Variants in LRRC52 observed in about 807,000 individuals in gnomAD.
The protein encoded by LRRC52 is leucine-rich repeat-containing protein 52.
A neutral mutation model predicts 14.7 loss-of-function variants in LRRC52; 15 were observed. That is an observed-to-expected ratio of 1.02 (90% CI 0.68 to 1.58). The LOEUF is 1.58. Among genes scored for constraint, LRRC52 ranks in the 40% most tolerant of loss-of-function variants. The pLI is 0.00. For missense variants in LRRC52, 400 were observed against 387.7 expected, an observed-to-expected ratio of 1.03 and a Z score of -0.27; for synonymous variants, 180 against 163.9, an observed-to-expected ratio of 1.10 and a Z score of -0.75.
Position 165,555,661 on chromosome 1 carries a change from G to A in LRRC52, c.623-7844G>A, listed in dbSNP as rs749316061. On this transcript the variant is annotated intron_variant, in intron 1 of 1. Coordinates refer to ENST00000294818, the MANE Select transcript of LRRC52 (RefSeq NM_001005214.4). Reference sequence around the variant, plus strand: ...AAAGAGGACACTGGCTGGGACCAGGGCAATGGTCCAGGTAATTAGAAGAGG... The same window carrying A: ...AAAGAGGACACTGGCTGGGACCAGGACAATGGTCCAGGTAATTAGAAGAGG... Among the ~76,000 whole-genome samples the A allele has an allele frequency of 1.2e-4, 18 of 152,214 alleles. 1 individual carries two copies. The highest frequency in any genetic ancestry group is 2.6e-4 in the Admixed American group (4 of 15,282).
chr1:165,552,349 C>T (rs542054314), intron 1 of LRRC52, among the ~76,000 whole-genome samples: 1 of 152,304 alleles, frequency 6.6e-6, no homozygotes, highest in South Asian at 2.1e-4. Flanking sequence ...CCTCAGTTTG[C>T]TCATCTTTAA....
At chr1:165,561,909 A>G (rs1488790835) in intron 1 of LRRC52, among the ~76,000 whole-genome samples, 2 of 152,196 alleles carry the variant, frequency 1.3e-5, no homozygotes, top group Non-Finnish European at 2.9e-5. Context: ...TCCCCAGCCA[A>G]CTTACTTCTG....
At chr1:165,561,383 T>A (rs905829442) in intron 1 of LRRC52, among the ~76,000 whole-genome samples, 2 of 152,234 alleles carry the variant, frequency 1.3e-5, no homozygotes, top group Admixed American at 6.5e-5. Flanking sequence ...TGAAGATTCA[T>A]GTGTCTCCCA....
At chr1:165,561,635 C>T (rs1411922400) in intron 1 of LRRC52, among the ~76,000 whole-genome samples, 1 of 152,246 alleles carries the variant, frequency 6.6e-6, no homozygotes, top group Non-Finnish European at 1.5e-5. Flanking sequence ...GGGCCACCAT[C>T]CCACACTGTC....
chr1:165,554,207 CGTT>C (rs1447334109), intron 1 of LRRC52, among the ~76,000 whole-genome samples: 1 of 152,076 alleles, frequency 6.6e-6, no homozygotes, highest in Non-Finnish European at 1.5e-5. Context: ...TGCTAGCTGT[CGTT>C]GTTGTTACAA....
At chr1:165,563,002 T>G (rs1661381088) in intron 1 of LRRC52, among the ~76,000 whole-genome samples, 1 of 152,056 alleles carries the variant, frequency 6.6e-6, no homozygotes, top group Non-Finnish European at 1.5e-5. Context: ...ATGCTAGTGA[T>G]GCCAGGTTGG....
intron 1 of LRRC52, among the ~76,000 whole-genome samples, chr1:165,562,107 C>T (rs1399936794): frequency 6.6e-6 from 1 of 152,240 alleles, no homozygotes; most frequent in Non-Finnish European, 1.5e-5. Context: ...GCAAAGCAAG[C>T]TCACACTGGC....
intron 1 of LRRC52, among the ~76,000 whole-genome samples, chr1:165,560,102 G>A (rs144862069): frequency 5.9e-5 from 9 of 152,288 alleles, no homozygotes; most frequent in Admixed American, 4.6e-4. Context: ...CATGGGGAGC[G>A]CACACAAACT....
Position 165,544,777 on chromosome 1 carries a change from G to T in LRRC52, c.481G>T (p.Gly161Cys), listed in dbSNP as rs76618230. ...GAGGTACCTGGACCTCAGAAATACC[G>T]GCTTGCAGACCCTGGACAGTGCTGC... ...SLRYLDLRNT[G>C]LQTLDSAALY... Residue 161 changes from glycine (G) to cysteine (C), a missense_variant, in exon 1 of 2, where the codon GGC becomes TGC. Gly to Cys is a radical substitution (Grantham distance 159). Transcript: ENST00000294818. 3.1e-6 allele frequency: 5 copies of T among 1,613,936 alleles called. No homozygotes were observed. The highest frequency in any genetic ancestry group is 3.3e-4 in the Middle Eastern group (2 of 6,062).
At chr1:165,550,350 G>GT (rs1271490034) in intron 1 of LRRC52, among the ~76,000 whole-genome samples, 1 of 152,090 alleles carries the variant, frequency 6.6e-6, no homozygotes, top group East Asian at 1.9e-4. Flanking sequence ...TCTGCAACAG[G>GT]GTAAATAGTC....
At chr1:165,547,328 G>T (rs1172956536) in intron 1 of LRRC52, among the ~76,000 whole-genome samples, 1 of 152,078 alleles carries the variant, frequency 6.6e-6, no homozygotes, top group Non-Finnish European at 1.5e-5. Context: ...TAAACATATG[G>T]CTACAGCATC....
chr1:165,544,485 CAGA>C lies in LRRC52; in HGVS notation c.191_193del (p.Arg64del), dbSNP rs1441020278. 1.2e-6 allele frequency: 2 copies of C among 1,614,060 alleles called. No homozygotes were observed. Among genetic ancestry groups the C allele is most frequent in the Non-Finnish European group, 1.7e-6 (2 of 1,180,038 alleles). ...CCCGGAGGCTGTTCCTGAACGAGAA[CAGA>C]ATCACTAGTTTGCCAGCAATGCATC... On this transcript the variant is annotated inframe_deletion, in exon 1 of 2. Transcript: ENST00000294818.
At chr1:165,556,892 C>T (rs6688105) in intron 1 of LRRC52, among the ~76,000 whole-genome samples, 93,334 of 152,186 alleles carry the variant, frequency 0.61, 30,707 homozygotes, top group East Asian at 0.87. Context: ...GAATCATCTC[C>T]TCTGGGCACC....
intron 1 of LRRC52, among the ~76,000 whole-genome samples, chr1:165,555,980 C>T (rs879178047): frequency 6.6e-6 from 1 of 152,232 alleles, no homozygotes; most frequent in Admixed American, 6.5e-5. Context: ...CAAGAAGAAC[C>T]TGGTCCCAGC....
intron 1 of LRRC52, among the ~76,000 whole-genome samples, chr1:165,556,537 T>C (rs746166566): frequency 6.6e-6 from 1 of 152,186 alleles, no homozygotes; most frequent in Non-Finnish European, 1.5e-5. Flanking sequence ...ATTCTAGGCT[T>C]TGTGGGTCTT....
intron 1 of LRRC52, among the ~76,000 whole-genome samples, chr1:165,550,623 T>C (rs1661112649): frequency 6.6e-6 from 1 of 152,212 alleles, no homozygotes; most frequent in African/African-American, 2.4e-5. Flanking sequence ...CCAAGTTCAA[T>C]GTTTTTCCCT....
At chr1:165,547,343 C>A (rs1389282327) in intron 1 of LRRC52, among the ~76,000 whole-genome samples, 3 of 152,126 alleles carry the variant, frequency 2.0e-5, no homozygotes, top group African/African-American at 7.2e-5. Context: ...AGCATCTAAA[C>A]TTCAGCTTTA....
intron 1 of LRRC52, among the ~76,000 whole-genome samples, chr1:165,549,964 A>C (rs1661098025): frequency 6.7e-6 from 1 of 150,154 alleles, no homozygotes; most frequent in Non-Finnish European, 1.5e-5. Context: ...CATTTTTTTA[A>C]ACACGAAAGT....
chr1:165,551,645 G>C (rs967213484), intron 1 of LRRC52, among the ~76,000 whole-genome samples: 2 of 152,168 alleles, frequency 1.3e-5, no homozygotes, highest in South Asian at 2.1e-4. Flanking sequence ...AGAGGAGCTT[G>C]AGCAAGGGTG....
Sources: allele counts gnomAD v4.1 joint callset (sites outside exome capture counted in the v4.1 genomes callset), GRCh38; gene constraint gnomAD v4.1.1; transcripts MANE v1.5; gene names NCBI Gene and HGNC (gene_info 2026-07-23, HGNC 2026-07-21).